ROBO2: variants seen among roughly 807,000 people sequenced by gnomAD.
The protein encoded by ROBO2 is roundabout homolog 2.
A neutral mutation model predicts 160.8 loss-of-function variants in ROBO2; 53 were observed. That is an observed-to-expected ratio of 0.33 (90% confidence interval 0.26 to 0.41). The LOEUF (loss-of-function observed/expected upper bound fraction) is 0.41. Ranked by LOEUF, ROBO2 falls within the 10% of genes least tolerant of loss-of-function variation. ROBO2 has a pLI of 1.00. For missense variants in ROBO2, 1,577 were observed against 1,722.4 expected, an observed-to-expected ratio of 0.92 and a Z score of 1.49; for synonymous variants, 664 against 611.7, an observed-to-expected ratio of 1.09 and a Z score of -1.26.
intron 2 of ROBO2, among the ~76,000 whole-genome samples, chr3:76,629,998 T>G (rs2089923435): frequency 6.6e-6 from 1 of 152,180 alleles, no homozygotes; most frequent in South Asian, 2.1e-4. Flanking sequence ...TAGAATCAGG[T>G]GGCACCCGTT....
chr3:76,444,726 A>C (rs13087503), intron 2 of ROBO2, among the ~76,000 whole-genome samples: 47,791 of 152,036 alleles, frequency 0.31, 7,641 homozygotes, highest in Non-Finnish European at 0.33. Context: ...TTTATTCAAG[A>C]TGATATTTGA....
chr3:76,593,792 GTTTA>G (rs1232958929), intron 2 of ROBO2, among the ~76,000 whole-genome samples: 1 of 151,766 alleles, frequency 6.6e-6, no homozygotes, highest in African/African-American at 2.4e-5. Context: ...GCAGCTTCAT[GTTTA>G]TTTATTATAT....
At chr3:76,326,090 T>G (rs2107953974) in intron 2 of ROBO2, among the ~76,000 whole-genome samples, 1 of 152,308 alleles carries the variant, frequency 6.6e-6, no homozygotes, top group East Asian at 1.9e-4. Flanking sequence ...CTAAATATTT[T>G]ATTCTGCATG....
Position 76,513,107 on chromosome 3 carries a change from A to G in ROBO2, c.109+575505A>G, listed in dbSNP as rs558486544. On this transcript the variant is annotated intron_variant, in intron 2 of 26. Coordinates refer to the ROBO2 transcript ENST00000487694. ...ACTACCTTAGAAAGTTGATCAAGGA[A>G]GTTCTCTTGACAATTTGAACAGTAG... Among the ~76,000 whole-genome samples, 7 of 152,334 alleles carry G rather than the reference A, an allele frequency of 4.6e-5. No individual in the cohort carries two copies. The South Asian group carries it at 1.4e-3, about 32-fold the overall frequency.
chr3:76,014,302 T>A (rs2059882919), intron 2 of ROBO2, among the ~76,000 whole-genome samples: 1 of 136,908 alleles, frequency 7.3e-6, no homozygotes, highest in Non-Finnish European at 1.7e-5. Flanking sequence ...CTGGGCACGG[T>A]GGCTTATGCG....
chr3:76,062,308 T>G (rs1045504533), intron 2 of ROBO2, among the ~76,000 whole-genome samples: 3 of 147,364 alleles, frequency 2.0e-5, no homozygotes, highest in Admixed American at 6.9e-5. Context: ...TTTAAAAAGT[T>G]AACTTAAAAA....
At chr3:77,312,186 T>G (rs532799016) in intron 2 of ROBO2, among the ~76,000 whole-genome samples, 1 of 152,348 alleles carries the variant, frequency 6.6e-6, no homozygotes, top group East Asian at 1.9e-4. Context: ...CAGATGTTTT[T>G]CAGCTTATTT....
intron 2 of ROBO2, among the ~76,000 whole-genome samples, chr3:77,217,710 A>G (rs939222875): frequency 6.6e-6 from 1 of 152,208 alleles, no homozygotes; most frequent in African/African-American, 2.4e-5. Flanking sequence ...CCTAAAGGAA[A>G]CCAGTTATAT....
chr3:76,964,179 T>C (rs1394816193), intron 2 of ROBO2, among the ~76,000 whole-genome samples: 2 of 152,208 alleles, frequency 1.3e-5, no homozygotes, highest in Non-Finnish European at 2.9e-5. Context: ...TCCAAGTTTT[T>C]TTCTCATATG....
chr3:76,079,960 C>T (rs948387397), intron 2 of ROBO2, among the ~76,000 whole-genome samples: 34 of 152,154 alleles, frequency 2.2e-4, no homozygotes, highest in African/African-American at 7.5e-4. Flanking sequence ...GCCTGATTGT[C>T]GCCCTCAAAT....
intron 2 of ROBO2, among the ~76,000 whole-genome samples, chr3:77,013,656 T>TA (rs151039356): frequency 0.067 from 10,099 of 151,406 alleles, 1,067 homozygotes; most frequent in African/African-American, 0.23. Flanking sequence ...GAATTGCCTT[T>TA]AAAAAAAAAT....
At chr3:77,296,213 C>T (rs1199917562) in intron 2 of ROBO2, among the ~76,000 whole-genome samples, 3 of 150,906 alleles carry the variant, frequency 2.0e-5, no homozygotes, top group Admixed American at 6.6e-5. Context: ...GATGGTTAAA[C>T]GGGAAGTTGA....
At chr3:77,188,621 T>C (rs145395813) in intron 2 of ROBO2, among the ~76,000 whole-genome samples, 97 of 151,976 alleles carry the variant, frequency 6.4e-4, no homozygotes, top group African/African-American at 2.1e-3. Flanking sequence ...TAAAACAAAA[T>C]ACACCCTTTT....
At chr3:77,567,985 T>G (rs2093533838) in intron 12 of ROBO2, among the ~76,000 whole-genome samples, 1 of 152,102 alleles carries the variant, frequency 6.6e-6, no homozygotes, top group African/African-American at 2.4e-5. Context: ...TCTAGACTTC[T>G]GTAGAGAAGT....
chr3:75,917,975 T>C (rs1273308170), intron 1 of ROBO2, among the ~76,000 whole-genome samples: 2 of 152,222 alleles, frequency 1.3e-5, no homozygotes, highest in African/African-American at 4.8e-5. Context: ...TTCTCATATT[T>C]TGTAGTTTGC....
At position 76,125,374 on chromosome 3, in the gene ROBO2, G is replaced by A. The variant is rs148751754; in HGVS notation, c.109+187772G>A. 3.0e-3 allele frequency among the ~76,000 whole-genome samples: 458 copies of A among 152,228 alleles called. 4 individuals carry two copies. Among genetic ancestry groups the A allele is most frequent in the African/African-American group, 0.011 (443 of 41,548 alleles). On this transcript the variant is annotated intron_variant, in intron 2 of 26. Coordinates refer to the ROBO2 transcript ENST00000487694. ...TTGAGTATATGCCAGTCATGGGATT[G>A]CTGGGTCAAATGGTAGCTCTGCTTT...
intron 2 of ROBO2, among the ~76,000 whole-genome samples, chr3:76,515,185 A>G (rs574930887): frequency 4.6e-5 from 7 of 152,274 alleles, no homozygotes; most frequent in Middle Eastern, 3.4e-3. Flanking sequence ...ATTTGCAGCT[A>G]TAGTTCTTTT....
At chr3:76,703,813 G>A (rs952182608) in intron 2 of ROBO2, among the ~76,000 whole-genome samples, 2 of 152,092 alleles carry the variant, frequency 1.3e-5, no homozygotes, top group African/African-American at 4.8e-5. Flanking sequence ...GAATAGTGCT[G>A]CAGTAAACAT....
chr3:76,721,582 T>C (rs1282928282), intron 2 of ROBO2, among the ~76,000 whole-genome samples: 9 of 152,220 alleles, frequency 5.9e-5, no homozygotes. Flanking sequence ...TGGCTTTTCA[T>C]CTTTCATCTT....
Sources: allele counts gnomAD v4.1 joint callset (sites outside exome capture counted in the v4.1 genomes callset), GRCh38; gene constraint gnomAD v4.1.1; transcripts MANE v1.5; gene names NCBI Gene and HGNC (gene_info 2026-07-23, HGNC 2026-07-21).